Variants in SS18L2 observed in about 807,000 individuals in gnomAD.
SS18L2 encodes the protein SS18 like 2, also known as SS18-like protein 2.
In SS18L2, 8 loss-of-function variants were observed where a neutral mutation model predicts 10.3. The observed-to-expected ratio is 0.78, with a 90% CI of 0.46 to 1.41. The LOEUF is 1.41. SS18L2 is among the 40% of genes most tolerant of loss of function. The pLI, the probability that SS18L2 is intolerant of heterozygous loss-of-function variation, is 0.00. For synonymous variants in SS18L2, 41 were observed against 34.6 expected (o/e 1.19, Z -0.65); for missense variants, 100 against 96.2 (o/e 1.04, Z -0.17).
upstream of SS18L2, among the ~76,000 whole-genome samples, chr3:42,590,401 C>A (rs1024402484): frequency 1.3e-5 from 2 of 152,102 alleles, no homozygotes; most frequent in Non-Finnish European, 2.9e-5. Context: ...GAGGCCGAGG[C>A]GGGCGGATCA....
At chr3:42,591,707 C>A in intron 2 of SS18L2, 106 bp downstream of exon 2, 1 of 825,430 alleles carries the variant, frequency 1.2e-6, no homozygotes, top group Non-Finnish European at 2.1e-6. Flanking sequence ...CGCAGTTAAG[C>A]CCCTCTTTGA....
chr3:42,594,577 C>T lies in SS18L2; in HGVS notation c.*68C>T. ...AGGAGTAATTGAATGTAATCCATCT[C>T]TTACAAAATGGAGACAGGGTCTTTA... On this transcript the variant is annotated 3_prime_UTR_variant, in exon 3 of 3. Coordinates refer to ENST00000011691, the MANE Select transcript of SS18L2 (RefSeq NM_001370300.1). 1 of 1,361,554 alleles carries T rather than the reference C, an allele frequency of 7.3e-7. No homozygotes were observed. Among genetic ancestry groups the T allele is most frequent in the Non-Finnish European group, 1.0e-6 (1 of 959,882 alleles). The allele number at this position is 1,361,554 out of a possible 1,614,324, so 84.3% of individuals were successfully genotyped here.
chr3:42,592,800 T>C (rs1196508241), intron 2 of SS18L2, among the ~76,000 whole-genome samples: 1 of 151,894 alleles, frequency 6.6e-6, no homozygotes, highest in Admixed American at 6.6e-5. Flanking sequence ...CCTAGTGGGG[T>C]TTTTCAATTG....
chr3:42,586,243 T>G (rs915323490), upstream of SS18L2, among the ~76,000 whole-genome samples: 49 of 152,284 alleles, frequency 3.2e-4, no homozygotes, highest in Non-Finnish European at 6.6e-4. Context: ...TTGTTGTTGT[T>G]GAGACAGAGT....
chr3:42,594,954 T>C lies in SS18L2; in HGVS notation c.*445T>C, dbSNP rs1277941284. Reference sequence around the variant, plus strand: ...GTAAATGTGGTCCCCCTGACTGCTGTTTTCAGATTGCTTTGAAATAAAGCT... The same window carrying C: ...GTAAATGTGGTCCCCCTGACTGCTGCTTTCAGATTGCTTTGAAATAAAGCT... On this transcript the variant is annotated 3_prime_UTR_variant, in exon 3 of 3. Coordinates refer to ENST00000011691, the MANE Select transcript of SS18L2 (RefSeq NM_001370300.1). 1 of 153,136 alleles carries C rather than the reference T, an allele frequency of 6.5e-6. No homozygotes were observed. The highest frequency in any genetic ancestry group is 1.5e-5 in the Non-Finnish European group (1 of 68,740). 9.5% of individuals were successfully genotyped at this position (153,136 alleles called of 1,614,324 possible).
chr3:42,591,368 T>G, intron 1 of SS18L2, 157 bp from the exon 2 acceptor site: 1 of 614,162 alleles, frequency 1.6e-6, no homozygotes, highest in Non-Finnish European at 2.9e-6. Context: ...CCGGCTAATT[T>G]TTGTATTTTT....
chr3:42,588,780 G>T (rs1704708751), upstream of SS18L2, among the ~76,000 whole-genome samples: 1 of 152,130 alleles, frequency 6.6e-6, no homozygotes, highest in Non-Finnish European at 1.5e-5. Context: ...TGGAACTACG[G>T]AAGACCTGTA....
At chr3:42,589,448 CCT>C (rs1327359130), upstream of SS18L2, among the ~76,000 whole-genome samples, 1 of 152,108 alleles carries the variant, frequency 6.6e-6, no homozygotes, top group Admixed American at 6.6e-5. Flanking sequence ...AGATCTCCCT[CCT>C]AAATGAAGTG....
At chr3:42,593,676 G>A (rs1704936501) in intron 2 of SS18L2, among the ~76,000 whole-genome samples, 2 of 152,116 alleles carry the variant, frequency 1.3e-5, no homozygotes, top group African/African-American at 2.4e-5. Flanking sequence ...TGACATTCTA[G>A]ACTCTAGAAT....
intron 2 of SS18L2, 44 bp from the exon 3 acceptor site, chr3:42,594,378 G>A (rs937796802): frequency 4.0e-6 from 6 of 1,492,426 alleles, no homozygotes; most frequent in Admixed American, 1.7e-5. Context: ...GTTCATGGTC[G>A]GTAAAAACAA....
Position 42,591,049 on chromosome 3 carries a change from T to A in SS18L2, c.69+83T>A. The stretch of plus-strand genomic sequence containing the variant: ...GCGGGGTGCGAGAAGCATCCTGTAG[T>A]GAGCGGCCTCCCAGCTGACTGTGAA... On this transcript the variant is annotated intron_variant, in intron 1 of 2. Coordinates refer to ENST00000011691, the MANE Select transcript of SS18L2 (RefSeq NM_001370300.1). The A allele has an allele frequency of 3.5e-6, 5 of 1,447,244 alleles. No individual in the cohort carries two copies. In the South Asian group the frequency reaches 3.6e-5, roughly 11 times the overall value. 89.7% of individuals were successfully genotyped at this position (1,447,244 alleles called of 1,614,324 possible). A position where few individuals can be genotyped will look rare whatever the true frequency, so the allele number is the denominator to read the frequency against.
At chr3:42,586,792 C>G (rs1383158917), upstream of SS18L2, among the ~76,000 whole-genome samples, 5 of 152,296 alleles carry the variant, frequency 3.3e-5, no homozygotes, top group South Asian at 4.1e-4. Flanking sequence ...TCCAACCTAG[C>G]CTTTGTCCCT....
At chr3:42,584,144 G>T (rs1024208132) in intron 1 of SS18L2, among the ~76,000 whole-genome samples, 1 of 152,082 alleles carries the variant, frequency 6.6e-6, no homozygotes, top group Non-Finnish European at 1.5e-5. Context: ...GATCTATATT[G>T]TAGATATATA....
At chr3:42,594,343 T>C in intron 2 of SS18L2, 79 bp from the exon 3 acceptor site, 1 of 1,079,698 alleles carries the variant, frequency 9.3e-7, no homozygotes, top group South Asian at 1.3e-5. Flanking sequence ...TCCACTAGAG[T>C]GGGTAAATTA....
At chr3:42,590,598 A>G (rs1228414861), upstream of SS18L2, among the ~76,000 whole-genome samples, 2 of 151,692 alleles carry the variant, frequency 1.3e-5, no homozygotes, top group Non-Finnish European at 2.9e-5. Context: ...AAAAAAAAAA[A>G]GCATGCACAG....
Position 42,591,556 on chromosome 3 carries a change from G to C in SS18L2, c.101G>C (p.Cys34Ser). ...LLEENDQLIR[C>S]IVEYQNKGRG... ...GAGGAGAATGACCAGCTGATCCGCTGTATTGTGGAGTATCAGAACAAGGGC... is the reference window on the plus strand; with the variant it reads ...GAGGAGAATGACCAGCTGATCCGCTCTATTGTGGAGTATCAGAACAAGGGC... Residue 34 changes from cysteine (C) to serine (S), a missense_variant, in exon 2 of 3, where the codon TGT becomes TCT. Coordinates refer to ENST00000011691, the MANE Select transcript of SS18L2 (RefSeq NM_001370300.1). 1.2e-6 allele frequency: 2 copies of C among 1,614,070 alleles called. No individual in the cohort carries two copies. Among genetic ancestry groups the C allele is most frequent in the African/African-American group, 2.7e-5 (2 of 75,052 alleles).
intron 1 of SS18L2, among the ~76,000 whole-genome samples, chr3:42,583,594 G>A (rs1458946361): frequency 6.6e-6 from 1 of 152,124 alleles, no homozygotes; most frequent in Non-Finnish European, 1.5e-5. Context: ...CTAGGTTAAG[G>A]GATACTCAGG....
chr3:42,591,615 C>A lies in SS18L2; in HGVS notation c.146+14C>A. On this transcript the variant is annotated intron_variant, in intron 2 of 2. Transcript: ENST00000011691. ...CGAGTGCGTGCAGTAAGTACCCCCACCCCCGCGCCCCTGACCTGTGGGTAG... is the reference window on the plus strand; with the variant it reads ...CGAGTGCGTGCAGTAAGTACCCCCAACCCCGCGCCCCTGACCTGTGGGTAG... 1.9e-6 allele frequency: 3 copies of A among 1,592,252 alleles called. No homozygotes were observed. Among genetic ancestry groups the A allele is most frequent in the Non-Finnish European group, 2.6e-6 (3 of 1,160,196 alleles).
In SS18L2 at chr3:42,591,504, T is replaced by G; in HGVS notation, c.70-21T>G. Reference sequence around the variant, plus strand: ...CACTGCGCCCGGCCTGCACTGACCCTTTCTTTCTCTGATCTTTCAGCTCCT... The same window carrying G: ...CACTGCGCCCGGCCTGCACTGACCCGTTCTTTCTCTGATCTTTCAGCTCCT... On this transcript the variant is annotated intron_variant, in intron 1 of 2. Transcript: ENST00000011691. 4 of 1,606,082 alleles carry G rather than the reference T, an allele frequency of 2.5e-6. No individual in the cohort carries two copies. In the South Asian group the frequency reaches 3.3e-5, roughly 13 times the overall value.
Sources: allele counts gnomAD v4.1 joint callset (sites outside exome capture counted in the v4.1 genomes callset), GRCh38; gene constraint gnomAD v4.1.1; transcripts MANE v1.5; gene names NCBI Gene and HGNC (gene_info 2026-07-23, HGNC 2026-07-21).